The following NALF1 variants were observed in gnomAD, a reference collection of about 807,000 sequenced individuals.
NALF1 encodes the protein family with sequence similarity 155 member A.
A neutral mutation model predicts 48.4 loss-of-function variants in NALF1; 3 were observed. That is an observed-to-expected ratio of 0.06 (90% CI 0.03 to 0.16). The LOEUF (loss-of-function observed/expected upper bound fraction) is 0.16. Ranked by LOEUF, NALF1 falls within the 10% of genes least tolerant of loss-of-function variation. The pLI, the probability that NALF1 is intolerant of heterozygous loss-of-function variation, is 1.00. For synonymous variants in NALF1, 262 were observed against 245.7 expected, an observed-to-expected ratio of 1.07 and a Z score of -0.62; for missense variants, 526 against 571.5, an observed-to-expected ratio of 0.92 and a Z score of 0.81.
chr13:107,367,376 CT>C (rs1883169770), intron 1 of NALF1, among the ~76,000 whole-genome samples: 1 of 152,218 alleles, frequency 6.6e-6, no homozygotes, highest in African/African-American at 2.4e-5. Flanking sequence ...CTCAATTAGA[CT>C]GACCTGAATG....
chr13:107,251,959 C>CAGAG lies in NALF1; in HGVS notation c.916-41208_916-41205dup, dbSNP rs113978783. Among the ~76,000 whole-genome samples the CAGAG allele has an allele frequency of 4.7e-3, 723 of 152,320 alleles. 9 individuals are homozygous for CAGAG. The highest frequency in any genetic ancestry group is 0.016 in the African/African-American group (667 of 41,580). On this transcript the variant is annotated intron_variant, in intron 1 of 2. Transcript: ENST00000375915. The stretch of plus-strand genomic sequence containing the variant: ...AGAGAAGGGTGTCTGAGTCTGCCTA[C>CAGAG]AGAGTGTCCCCTGACCCCAAGTCCT...
At chr13:107,851,802 TTTC>T (rs1232747031) in intron 1 of NALF1, among the ~76,000 whole-genome samples, 29 of 107,244 alleles carry the variant, frequency 2.7e-4, no homozygotes, top group Admixed American at 5.5e-4. Flanking sequence ...TTACAGGCCC[TTTC>T]TTTTTTTTTT....
intron 1 of NALF1, among the ~76,000 whole-genome samples, chr13:107,730,208 C>T (rs1005076837): frequency 1.3e-5 from 2 of 152,170 alleles, no homozygotes; most frequent in African/African-American, 4.8e-5. Context: ...TGCTACTTTG[C>T]TCTAAATAAA....
chr13:107,839,569 A>T (rs933638343), intron 1 of NALF1, among the ~76,000 whole-genome samples: 2 of 151,756 alleles, frequency 1.3e-5, no homozygotes, highest in Non-Finnish European at 2.9e-5. Context: ...CCCACCTGTG[A>T]GGAAATTAAA....
chr13:107,673,408 T>C (rs1397938996), intron 1 of NALF1, among the ~76,000 whole-genome samples: 1 of 152,190 alleles, frequency 6.6e-6, no homozygotes, highest in Admixed American at 6.5e-5. Context: ...CTGTTGTGTT[T>C]ACCACAGGAG....
At chr13:107,537,725 T>C (rs1489649422) in intron 1 of NALF1, among the ~76,000 whole-genome samples, 1 of 152,078 alleles carries the variant, frequency 6.6e-6, no homozygotes, top group Non-Finnish European at 1.5e-5. Flanking sequence ...GGCCAAATTC[T>C]TCAAACTTTC....
At chr13:107,715,337 G>C (rs1193416275) in intron 1 of NALF1, among the ~76,000 whole-genome samples, 1 of 151,812 alleles carries the variant, frequency 6.6e-6, no homozygotes. Flanking sequence ...TGAGTAGCTG[G>C]GATTACAGGC....
chr13:107,325,700 G>A (rs1354460083), intron 1 of NALF1, among the ~76,000 whole-genome samples: 10 of 151,230 alleles, frequency 6.6e-5, no homozygotes, highest in African/African-American at 2.2e-4. Context: ...AATGAGCTCA[G>A]CATGATGGCA....
intron 1 of NALF1, among the ~76,000 whole-genome samples, chr13:107,798,650 C>A (rs1024506403): frequency 3.9e-5 from 6 of 152,096 alleles, no homozygotes; most frequent in Non-Finnish European, 7.4e-5. Flanking sequence ...AAAACAACCC[C>A]AAGGAATTCA....
intron 1 of NALF1, among the ~76,000 whole-genome samples, chr13:107,790,618 G>A (rs1030565754): frequency 1.3e-5 from 2 of 152,146 alleles, no homozygotes; most frequent in African/African-American, 2.4e-5. Flanking sequence ...ATGGCAAGAT[G>A]TGTCTATTGC....
intron 1 of NALF1, among the ~76,000 whole-genome samples, chr13:107,705,469 T>C (rs1017599518): frequency 6.6e-6 from 1 of 151,644 alleles, no homozygotes; most frequent in Non-Finnish European, 1.5e-5. Flanking sequence ...TCTAATGCAA[T>C]GAGCTGCAAA....
intron 1 of NALF1, among the ~76,000 whole-genome samples, chr13:107,500,196 C>T (rs1363464649): frequency 6.6e-6 from 1 of 152,148 alleles, no homozygotes; most frequent in Non-Finnish European, 1.5e-5. Flanking sequence ...AAATTAATGT[C>T]CTAACACATC....
intron 1 of NALF1, among the ~76,000 whole-genome samples, chr13:107,287,698 T>TTTCC (rs1881523583): frequency 8.2e-6 from 1 of 121,882 alleles, no homozygotes; most frequent in South Asian, 3.6e-4. Flanking sequence ...CTTTCTTTTC[T>TTTCC]TTTCTTTCTT....
At chr13:107,680,821 TGA>T (rs911532392) in intron 1 of NALF1, among the ~76,000 whole-genome samples, 10 of 150,934 alleles carry the variant, frequency 6.6e-5, no homozygotes, top group African/African-American at 2.2e-4. Flanking sequence ...TGTGAGTGTA[TGA>T]GTGTGAATGT....
At chr13:107,559,944 G>A (rs1877597905) in intron 1 of NALF1, among the ~76,000 whole-genome samples, 1 of 152,058 alleles carries the variant, frequency 6.6e-6, no homozygotes, top group South Asian at 2.1e-4. Context: ...GACTAAAGGG[G>A]GATCCACCGG....
At chr13:107,502,171 A>C (rs542235845) in intron 1 of NALF1, among the ~76,000 whole-genome samples, 13 of 152,276 alleles carry the variant, frequency 8.5e-5, no homozygotes, top group African/African-American at 3.1e-4. Flanking sequence ...TGAAAATACA[A>C]ATATGAGAAA....
chr13:107,604,642 G>A (rs1378265014), intron 1 of NALF1, among the ~76,000 whole-genome samples: 3 of 152,142 alleles, frequency 2.0e-5, no homozygotes, highest in Non-Finnish European at 4.4e-5. Flanking sequence ...AGAAGAGGGA[G>A]AATATGGCAT....
intron 1 of NALF1, among the ~76,000 whole-genome samples, chr13:107,368,552 T>C (rs372445229): frequency 3.9e-4 from 60 of 152,330 alleles, no homozygotes; most frequent in African/African-American, 1.3e-3. Context: ...TCGTCTCTTC[T>C]GGCGTCCGGT....
intron 1 of NALF1, among the ~76,000 whole-genome samples, chr13:107,537,456 C>T (rs1437497767): frequency 6.6e-6 from 1 of 152,086 alleles, no homozygotes; most frequent in Admixed American, 6.6e-5. Flanking sequence ...ATTTGTTGAA[C>T]ACTTGATTTC....
Sources: allele counts gnomAD v4.1 joint callset (sites outside exome capture counted in the v4.1 genomes callset), GRCh38; gene constraint gnomAD v4.1.1; transcripts MANE v1.5; gene names NCBI Gene and HGNC (gene_info 2026-07-23, HGNC 2026-07-21).